Variants in PRKAR2A observed in about 807,000 individuals in gnomAD.
PRKAR2A encodes the protein cAMP-dependent protein kinase type II-alpha regulatory subunit.
PRKAR2A carries 29 observed loss-of-function variants against 51.9 expected under a neutral mutation model. The observed-to-expected ratio is 0.56, with a 90% CI of 0.42 to 0.76. The LOEUF (loss-of-function observed/expected upper bound fraction) is 0.76, where lower values mean the gene tolerates loss of function less well. Among genes scored for constraint, PRKAR2A ranks in the 30% least tolerant of loss-of-function variants. The pLI, the probability that PRKAR2A is intolerant of heterozygous loss-of-function variation, is 0.00. For missense variants in PRKAR2A, 445 were observed against 512.1 expected (o/e 0.87, Z 1.26); for synonymous variants, 178 against 186.2 (o/e 0.96, Z 0.36).
chr3:48,845,528 T>G (rs1202275014), intron 1 of PRKAR2A, among the ~76,000 whole-genome samples: 1 of 152,228 alleles, frequency 6.6e-6, no homozygotes, highest in African/African-American at 2.4e-5. Context: ...ATGGTTTCAT[T>G]GTTTTGTTAA....
intron 8 of PRKAR2A, 120 bp downstream of exon 8, chr3:48,764,884 C>T (rs1364138877): frequency 2.2e-5 from 18 of 816,758 alleles, no homozygotes; most frequent in South Asian, 1.5e-4. Context: ...CTCAGCCTCC[C>T]GAAGTGTTGG....
rs1287284620 is a variant in PRKAR2A, at chr3:48,847,315, G to A, written c.262+20C>T. The A allele has an allele frequency of 1.9e-6, 3 of 1,612,432 alleles. No individual in the cohort carries two copies. The highest frequency in any genetic ancestry group is 4.5e-5 in the East Asian group (2 of 44,824). On this transcript the variant is annotated intron_variant, in intron 1 of 10. Transcript: ENST00000265563. This position sits in a 1 kb window ranked among gnomAD's most constrained non-coding sequence, Gnocchi z 4.4. ...TGGAGACCTCCTGCACCACTCCCCA[G>A]GGCCCCGCCCACAGCCTACCTTCCA... is the stretch of plus-strand genomic sequence containing the variant.
intron 2 of PRKAR2A, among the ~76,000 whole-genome samples, chr3:48,800,484 C>T (rs7639370): frequency 0.83 from 124,304 of 149,748 alleles, 52,071 homozygotes; most frequent in East Asian, 1. Flanking sequence ...CTGACTCCAG[C>T]CTGAGTAACA....
At chr3:48,795,053 T>C (rs1434563536) in intron 2 of PRKAR2A, among the ~76,000 whole-genome samples, 1 of 151,922 alleles carries the variant, frequency 6.6e-6, no homozygotes, top group Non-Finnish European at 1.5e-5. Flanking sequence ...CTCTGCTCAC[T>C]GCAAGCTCCG....
rs35267173 is a variant in PRKAR2A, at chr3:48,748,128, CTT to C, written c.*3455_*3456del. On this transcript the variant is annotated 3_prime_UTR_variant, in exon 11 of 11. Coordinates refer to ENST00000265563, the MANE Select transcript of PRKAR2A (RefSeq NM_004157.4). ...TCAATCAGTAGTTGGAGGAGGATGA[CTT>C]TTTTTTTTTTTTTTTGAGATAGGGT... 75 of 136,462 alleles carry C rather than the reference CTT, an allele frequency of 5.5e-4. No homozygotes were observed. Among genetic ancestry groups the C allele is most frequent in the African/African-American group, 4.9e-4 (18 of 37,084 alleles). 8.5% of individuals were successfully genotyped at this position (136,462 alleles called of 1,614,324 possible). A position where few individuals can be genotyped will look rare whatever the true frequency, so the allele number is the denominator to read the frequency against.
intron 1 of PRKAR2A, among the ~76,000 whole-genome samples, chr3:48,815,543 G>A (rs918279198): frequency 1.3e-5 from 2 of 150,170 alleles, no homozygotes; most frequent in African/African-American, 4.9e-5. Context: ...AAAAATACAA[G>A]AAATTAGCCA....
In PRKAR2A at chr3:48,772,870, T is replaced by C. The variant is rs2082048526; in HGVS notation, c.696+85A>G. 11 of 1,342,466 alleles carry C rather than the reference T, an allele frequency of 8.2e-6. No individual in the cohort carries two copies. The East Asian group carries it at 1.7e-4, about 21-fold the overall frequency. The allele number at this position is 1,342,466 out of a possible 1,614,324, so 83.2% of individuals were successfully genotyped here. A position where few individuals can be genotyped will look rare whatever the true frequency, so the allele number is the denominator to read the frequency against. ...TGTTAGCCAGGATGGCTGTAAGATA[T>C]AGTGTAAATCAACAGCCCAAGGACA... On this transcript the variant is annotated intron_variant, in intron 6 of 10. Coordinates refer to ENST00000265563, the MANE Select transcript of PRKAR2A (RefSeq NM_004157.4).
intron 1 of PRKAR2A, among the ~76,000 whole-genome samples, chr3:48,836,499 A>T (rs2083290127): frequency 6.7e-6 from 1 of 148,730 alleles, no homozygotes; most frequent in Non-Finnish European, 1.5e-5. Flanking sequence ...CTCAAAATGT[A>T]CCAAAGACTT....
chr3:48,826,420 G>A (rs1196564791), intron 1 of PRKAR2A, among the ~76,000 whole-genome samples: 2 of 152,114 alleles, frequency 1.3e-5, no homozygotes, highest in Non-Finnish European at 2.9e-5. Flanking sequence ...GGTCTGTAAG[G>A]GTCCTGAACA....
intron 1 of PRKAR2A, among the ~76,000 whole-genome samples, chr3:48,817,054 C>T (rs1033935836): frequency 3.3e-5 from 5 of 151,968 alleles, no homozygotes; most frequent in Middle Eastern, 3.4e-3. Context: ...ATAGGCTGGG[C>T]GCAGTGGCTC....
intron 2 of PRKAR2A, among the ~76,000 whole-genome samples, chr3:48,806,100 CCTA>C (rs2107355742): frequency 6.6e-6 from 1 of 152,234 alleles, no homozygotes; most frequent in Admixed American, 6.5e-5. Context: ...AACCTTAATC[CCTA>C]CTCTCAGGAT....
intron 5 of PRKAR2A, among the ~76,000 whole-genome samples, chr3:48,780,251 T>C (rs1269790473): frequency 6.6e-6 from 1 of 152,128 alleles, no homozygotes; most frequent in African/African-American, 2.4e-5. Flanking sequence ...CAAAAGTCTT[T>C]TCTCTGAGAA....
intron 1 of PRKAR2A, among the ~76,000 whole-genome samples, chr3:48,841,645 C>G (rs1011635438): frequency 6.6e-6 from 1 of 151,184 alleles, no homozygotes; most frequent in African/African-American, 2.4e-5. Flanking sequence ...TTTGAGGAAC[C>G]ACCAAATTGT....
At chr3:48,779,086 TA>T (rs2082151005) in intron 5 of PRKAR2A, among the ~76,000 whole-genome samples, 2 of 151,266 alleles carry the variant, frequency 1.3e-5, no homozygotes. Flanking sequence ...CTGGGCCTTC[TA>T]AAGTGCTGGG....
intron 8 of PRKAR2A, among the ~76,000 whole-genome samples, chr3:48,761,723 G>C (rs1401022086): frequency 6.6e-6 from 1 of 151,992 alleles, no homozygotes; most frequent in Admixed American, 6.6e-5. Flanking sequence ...AACGATTCTC[G>C]TGCTTCAACC....
chr3:48,754,899 A>G (rs537758542), intron 9 of PRKAR2A, among the ~76,000 whole-genome samples: 45 of 151,224 alleles, frequency 3.0e-4, no homozygotes, highest in African/African-American at 1.1e-3. Context: ...CCTGGGCAAC[A>G]GAGCAAGACT....
At chr3:48,824,224 A>G (rs1191280350) in intron 1 of PRKAR2A, among the ~76,000 whole-genome samples, 1 of 151,930 alleles carries the variant, frequency 6.6e-6, no homozygotes, top group Non-Finnish European at 1.5e-5. Flanking sequence ...CTGGACGACA[A>G]GAGCAAAACT....
intron 1 of PRKAR2A, among the ~76,000 whole-genome samples, chr3:48,844,042 A>T (rs1352279901): frequency 6.6e-6 from 1 of 150,380 alleles, no homozygotes; most frequent in Non-Finnish European, 1.5e-5. Flanking sequence ...CATCAGAGTG[A>T]ACAGGCAACC....
Position 48,772,954 on chromosome 3 carries a change from C to A in PRKAR2A, c.696+1G>T. ...CAAGGGGAACGATTTCTCTCACTCA[C>A]CAGTCCCCAAAGGGAGCCTTCTGAG... On this transcript the variant is annotated splice_donor_variant, in intron 6 of 10. Transcript: ENST00000265563. LOFTEE classifies it high-confidence loss of function. The A allele has an allele frequency of 6.2e-7, 1 of 1,610,650 alleles. No homozygotes were observed. Among genetic ancestry groups the A allele is most frequent in the Non-Finnish European group, 8.5e-7 (1 of 1,178,318 alleles).
Sources: gnomAD v4.1 joint callset for allele counts (sites outside exome capture counted in the v4.1 genomes callset) on GRCh38, gnomAD v4.1.1 for gene constraint, Gnocchi (gnomAD v3.1) non-coding constraint, MANE v1.5 for transcripts, NCBI Gene and HGNC (gene_info 2026-07-23, HGNC 2026-07-21) for gene names.